Variants in TMPRSS15 observed in about 807,000 individuals in gnomAD.
The protein encoded by TMPRSS15 is transmembrane serine protease 15.
Under a neutral mutation model 125.3 loss-of-function variants are expected in TMPRSS15, and 128 were observed. The ratio of observed to expected loss-of-function variants is 1.02; its 90% CI spans 0.89 to 1.18. The LOEUF (loss-of-function observed/expected upper bound fraction) is 1.18, where lower values mean the gene tolerates loss of function less well. Among genes scored for constraint, TMPRSS15 ranks in the 50% most tolerant of loss-of-function variants. The pLI is 0.00. For synonymous variants in TMPRSS15, 446 were observed against 423.2 expected (o/e 1.05, Z -0.66); for missense variants, 1,283 against 1,212.7 (o/e 1.06, Z -0.86).
intron 3 of TMPRSS15, among the ~76,000 whole-genome samples, chr21:18,390,502 G>C (rs1423338846): frequency 6.6e-6 from 1 of 152,142 alleles, no homozygotes; most frequent in Non-Finnish European, 1.5e-5. Flanking sequence ...GCATTAGTTA[G>C]GTTCTGAAAA....
rs539968323 is a variant in TMPRSS15 at position 18,440,372 on chromosome 21, CAA to C, written c.11-42045_11-42044del. ...TGGGCGACAGAGCGAAACTCCGTCT[CAA>C]AAAAAAAAAAAAAAAGAAAACTGTA... On this transcript the variant is annotated intron_variant, in intron 1 of 7. Transcript: ENST00000422787. 4.4e-4 allele frequency among the ~76,000 whole-genome samples: 21 copies of C among 47,432 alleles called. 2 individuals are homozygous for C. Among genetic ancestry groups the C allele is most frequent in the Admixed American group, 3.8e-3 (12 of 3,184 alleles). 31.1% of individuals were successfully genotyped at this position (47,432 alleles called of 152,430 possible). A position where few individuals can be genotyped will look rare whatever the true frequency, so the allele number is the denominator to read the frequency against.
chr21:18,284,972 G>A (rs2074745080), intron 21 of TMPRSS15, among the ~76,000 whole-genome samples: 1 of 150,282 alleles, frequency 6.7e-6, no homozygotes, highest in East Asian at 2.0e-4. Flanking sequence ...TTGCACTCCA[G>A]CCTGGGTGAC....
chr21:18,372,696 T>C (rs2075803850), intron 5 of TMPRSS15, among the ~76,000 whole-genome samples: 2 of 152,344 alleles, frequency 1.3e-5, no homozygotes, highest in South Asian at 4.1e-4. Context: ...CATTGTGACA[T>C]TGAACAATGA....
chr21:18,432,710 G>A lies in TMPRSS15; in HGVS notation c.11-34381C>T, dbSNP rs181964499. Among the ~76,000 whole-genome samples the A allele has an allele frequency of 1.5e-3, 221 of 152,188 alleles. 1 individual carries two copies. Among genetic ancestry groups the A allele is most frequent in the Non-Finnish European group, 2.1e-3 (146 of 67,994 alleles). ...AGGGGCTTCAGAGAGACCACAGCCC[G>A]GCCCACGTAGATTTTGGATTTCCAG... On this transcript the variant is annotated intron_variant, in intron 1 of 7. Coordinates refer to the TMPRSS15 transcript ENST00000422787.
intron 7 of TMPRSS15, 73 bp downstream of exon 7, chr21:18,365,067 T>C (rs1447746484): frequency 8.1e-7 from 1 of 1,241,184 alleles, no homozygotes; most frequent in Non-Finnish European, 1.2e-6. Flanking sequence ...AAAAAACTAC[T>C]GAAAGCAATA....
chr21:18,394,309 G>A (rs2076014725), intron 3 of TMPRSS15, among the ~76,000 whole-genome samples: 1 of 152,004 alleles, frequency 6.6e-6, no homozygotes, highest in African/African-American at 2.4e-5. Context: ...AGATTATTTT[G>A]GGAAGATAAG....
intron 1 of TMPRSS15, among the ~76,000 whole-genome samples, chr21:18,426,016 T>A (rs1356683126): frequency 2.0e-5 from 3 of 152,178 alleles, no homozygotes; most frequent in Non-Finnish European, 2.9e-5. Flanking sequence ...ACCTATTTAT[T>A]TGCTTCCTAA....
At position 18,459,062 on chromosome 21, in the gene TMPRSS15, G is replaced by A. The variant is rs1978498449; in HGVS notation, c.10+26737C>T. ...ATGATGTGTCTTTGATTGTGCTTTT[G>A]TATATGTATATGGTGTGCATAGGTA... On this transcript the variant is annotated intron_variant, in intron 1 of 7. Coordinates refer to the TMPRSS15 transcript ENST00000422787. 2.0e-5 allele frequency among the ~76,000 whole-genome samples: 3 copies of A among 152,088 alleles called. 1 individual carries two copies. The South Asian group carries it at 6.2e-4, about 32-fold the overall frequency.
At chr21:18,374,468 A>G (rs1206798588) in intron 5 of TMPRSS15, among the ~76,000 whole-genome samples, 1 of 116,026 alleles carries the variant, frequency 8.6e-6, no homozygotes, top group Non-Finnish European at 1.7e-5. Context: ...CGACAGAGCG[A>G]GACTCCGTCT....
chr21:18,275,306 T>C lies in TMPRSS15; in HGVS notation c.2795A>G (p.Asp932Gly). ...GTTANILQEA[D>G]VPLLSNERCQ... ...TCTCTCATTTGATAGAAGAGGAACATCAGCTTCTTGCAATATGTTTGCAGT... is the reference window on the plus strand; with the variant it reads ...TCTCTCATTTGATAGAAGAGGAACACCAGCTTCTTGCAATATGTTTGCAGT... Residue 932 changes from aspartate (D) to glycine (G), a missense_variant, in exon 24 of 25, where the codon GAT (aspartate) becomes GGT (glycine). Asp to Gly is a moderately conservative substitution (Grantham distance 94). Coordinates refer to ENST00000284885, the MANE Select transcript of TMPRSS15 (RefSeq NM_002772.3). The C allele has an allele frequency of 6.2e-7, 1 of 1,614,082 alleles. No individual in the cohort carries two copies. The highest frequency in any genetic ancestry group is 8.5e-7 in the Non-Finnish European group (1 of 1,179,994).
intron 1 of TMPRSS15, among the ~76,000 whole-genome samples, chr21:18,465,555 C>G (rs533999986): frequency 6.6e-6 from 1 of 152,200 alleles, no homozygotes; most frequent in Non-Finnish European, 1.5e-5. Context: ...TAAGCAACTT[C>G]AGCAAAGTCT....
At chr21:18,433,530 A>G (rs1187221962) in intron 1 of TMPRSS15, among the ~76,000 whole-genome samples, 2 of 151,768 alleles carry the variant, frequency 1.3e-5, no homozygotes, top group Non-Finnish European at 2.9e-5. Flanking sequence ...CTGTCTCTAG[A>G]AAAAATACAA....
chr21:18,347,619 T>G (rs1450405685), intron 10 of TMPRSS15, among the ~76,000 whole-genome samples: 1 of 152,224 alleles, frequency 6.6e-6, no homozygotes, highest in Non-Finnish European at 1.5e-5. Context: ...ATTTTTTTTC[T>G]GTCTTGATAT....
intron 1 of TMPRSS15, among the ~76,000 whole-genome samples, chr21:18,427,761 T>G (rs1429523869): frequency 6.6e-6 from 1 of 152,238 alleles, no homozygotes; most frequent in Non-Finnish European, 1.5e-5. Flanking sequence ...AATCTGAATT[T>G]GGGAGTTTTT....
intron 21 of TMPRSS15, among the ~76,000 whole-genome samples, chr21:18,286,934 C>T (rs1393995342): frequency 6.6e-6 from 1 of 152,156 alleles, no homozygotes; most frequent in Non-Finnish European, 1.5e-5. Flanking sequence ...TTGCTGTTAC[C>T]TTCAAAGAAA....
intron 3 of TMPRSS15, among the ~76,000 whole-genome samples, chr21:18,392,943 C>T (rs1427296836): frequency 1.3e-5 from 2 of 152,108 alleles, no homozygotes; most frequent in Non-Finnish European, 2.9e-5. Flanking sequence ...AATCACCTCC[C>T]ACCAGGTCCC....
chr21:18,355,060 G>A (rs1044855871), intron 8 of TMPRSS15, among the ~76,000 whole-genome samples: 1 of 151,840 alleles, frequency 6.6e-6, no homozygotes, highest in Non-Finnish European at 1.5e-5. Context: ...CCCAAAATGT[G>A]TGTCATGCAT....
Position 18,403,689 on chromosome 21 carries a change from A to G in TMPRSS15, c.-67T>C. 2 of 1,600,594 alleles carry G rather than the reference A, an allele frequency of 1.2e-6. No homozygotes were observed. The highest frequency in any genetic ancestry group is 3.4e-5 in the Admixed American group (2 of 59,620). On this transcript the variant is annotated 5_prime_UTR_variant, in exon 1 of 25. Coordinates refer to ENST00000284885, the MANE Select transcript of TMPRSS15 (RefSeq NM_002772.3). ...ATATAAATAATTCTACCAACTGAAGAGAAAAATCTCTCAAATTTTTAAAGA... is the reference window on the plus strand; with the variant it reads ...ATATAAATAATTCTACCAACTGAAGGGAAAAATCTCTCAAATTTTTAAAGA...
intron 16 of TMPRSS15, among the ~76,000 whole-genome samples, chr21:18,317,877 CCCATCCCATCCCATCCCATCCCAT>C (rs2075187938): frequency 8.2e-6 from 1 of 122,008 alleles, no homozygotes; most frequent in South Asian, 3.1e-4. Flanking sequence ...CCCATCCCAT[CCCATCCCATCCCATCCCATCCCAT>C]CCCATCCTAT....
Sources: allele counts gnomAD v4.1 joint callset (sites outside exome capture counted in the v4.1 genomes callset), GRCh38; gene constraint gnomAD v4.1.1; transcripts MANE v1.5; gene names NCBI Gene and HGNC (gene_info 2026-07-23, HGNC 2026-07-21).